Variants in BCKDHB observed in about 807,000 individuals in gnomAD.
BCKDHB encodes branched chain keto acid dehydrogenase E1 subunit beta.
In BCKDHB, 41 loss-of-function variants were observed where a neutral mutation model predicts 48.5. The observed-to-expected ratio is 0.85, with a 90% confidence interval of 0.66 to 1.10. The LOEUF (loss-of-function observed/expected upper bound fraction) is 1.10, where lower values mean the gene tolerates loss of function less well. Ranked by LOEUF, BCKDHB falls within the 50% of genes least tolerant of loss-of-function variation. BCKDHB has a pLI of 0.00. For synonymous variants in BCKDHB, 201 were observed against 174.8 expected, an observed-to-expected ratio of 1.15 and a Z score of -1.18; for missense variants, 496 against 494.2, an observed-to-expected ratio of 1.00 and a Z score of -0.03.
the BCKDHB span, among the ~76,000 whole-genome samples, chr6:80,398,828 T>C: frequency 8.7e-4 from 132 of 152,284 alleles, 1 homozygote; most frequent in African/African-American, 3.1e-3. Flanking sequence ...TTGATAAACA[T>C]TGATGCAAAA....
intron 8 of BCKDHB, among the ~76,000 whole-genome samples, chr6:80,267,026 G>T (rs756645751): frequency 6.6e-6 from 1 of 151,782 alleles, no homozygotes; most frequent in Non-Finnish European, 1.5e-5. Context: ...TCAAAACAAA[G>T]AAACAAAGAT....
At chr6:80,260,212 G>GGTGTGTGTGT (rs148736682) in intron 8 of BCKDHB, among the ~76,000 whole-genome samples, 1 of 151,132 alleles carries the variant, frequency 6.6e-6, no homozygotes, top group Non-Finnish European at 1.5e-5. Context: ...GGTAATGGTG[G>GGTGTGTGTGT]GTGTGTGTGT....
chr6:80,413,308 A>G, the BCKDHB span, among the ~76,000 whole-genome samples: 4 of 152,134 alleles, frequency 2.6e-5, no homozygotes, highest in Admixed American at 2.0e-4. Flanking sequence ...TCTTTTTTTA[A>G]ACTATTAAGT....
chr6:80,192,656 G>T (rs148517800), intron 6 of BCKDHB, among the ~76,000 whole-genome samples: 6 of 152,064 alleles, frequency 3.9e-5, no homozygotes, highest in Non-Finnish European at 1.5e-5. Flanking sequence ...AATGTGTTGT[G>T]TGTTAAATAT....
intron 9 of BCKDHB, among the ~76,000 whole-genome samples, chr6:80,295,883 A>G (rs1043869919): frequency 6.6e-6 from 1 of 152,182 alleles, no homozygotes; most frequent in Admixed American, 6.5e-5. Flanking sequence ...CGTGGGAATT[A>G]TGGAACCTAC....
intron 1 of BCKDHB, among the ~76,000 whole-genome samples, chr6:80,122,481 A>G (rs964692525): frequency 6.6e-6 from 1 of 152,218 alleles, no homozygotes; most frequent in Non-Finnish European, 1.5e-5. Context: ...CATAAGTGTC[A>G]TCTGGCTGAG....
At chr6:80,348,713 A>AG (rs1770311402), downstream of BCKDHB, among the ~76,000 whole-genome samples, 1 of 152,218 alleles carries the variant, frequency 6.6e-6, no homozygotes, top group South Asian at 2.1e-4. Flanking sequence ...AGACTATGTT[A>AG]CTTTTAGCAG....
intron 9 of BCKDHB, among the ~76,000 whole-genome samples, chr6:80,318,686 TAAAAAAA>T (rs756830332): frequency 1.7e-5 from 2 of 117,210 alleles, no homozygotes; most frequent in Non-Finnish European, 3.6e-5. Flanking sequence ...CTCTCTCTCT[TAAAAAAA>T]AAAAAAAAAA....
rs554619869 is a variant in BCKDHB, at chr6:80,264,695, A to G, written c.952-8440A>G. 1.8e-4 allele frequency among the ~76,000 whole-genome samples: 28 copies of G among 152,280 alleles called. No individual in the cohort carries two copies. In the South Asian group the frequency reaches 5.4e-3, roughly 29 times the overall value. ...CAGAATGGAGGATGGTGAGGAAACC[A>G]GAACGTGATGCTTTTTAAGAAAAGA... On this transcript the variant is annotated intron_variant, in intron 8 of 9. Transcript: ENST00000320393.
intron 6 of BCKDHB, among the ~76,000 whole-genome samples, chr6:80,192,015 A>T (rs547430337): frequency 6.6e-6 from 1 of 152,346 alleles, no homozygotes; most frequent in South Asian, 2.1e-4. Flanking sequence ...GAGAAGAATT[A>T]CATTTGGATT....
intron 9 of BCKDHB, among the ~76,000 whole-genome samples, chr6:80,342,731 G>C (rs907167983): frequency 1.3e-5 from 2 of 152,270 alleles, no homozygotes; most frequent in African/African-American, 4.8e-5. Flanking sequence ...CGAGGTTGCA[G>C]TGAGCCGTGT....
chr6:80,391,353 T>A, the BCKDHB span, among the ~76,000 whole-genome samples: 1 of 151,986 alleles, frequency 6.6e-6, no homozygotes, highest in Non-Finnish European at 1.5e-5. Context: ...TCTTGAGAGG[T>A]GAAGCAAATA....
At chr6:80,404,001 G>A in the BCKDHB span, among the ~76,000 whole-genome samples, 202 of 151,972 alleles carry the variant, frequency 1.3e-3, 8 homozygotes, top group South Asian at 0.038. Flanking sequence ...GAGAATTTTT[G>A]CATCTATGCT....
intron 9 of BCKDHB, among the ~76,000 whole-genome samples, chr6:80,336,292 A>G (rs1769587068): frequency 6.6e-6 from 1 of 151,980 alleles, no homozygotes; most frequent in Non-Finnish European, 1.5e-5. Context: ...TATTTCTAAG[A>G]ATTTGTTAAT....
At chr6:80,348,751 A>G (rs1770312828), downstream of BCKDHB, among the ~76,000 whole-genome samples, 1 of 152,220 alleles carries the variant, frequency 6.6e-6, no homozygotes, top group Non-Finnish European at 1.5e-5. Flanking sequence ...GATGAGGAAC[A>G]TGACCCCAAA....
At chr6:80,116,497 A>T (rs1316224302) in intron 1 of BCKDHB, among the ~76,000 whole-genome samples, 1 of 152,256 alleles carries the variant, frequency 6.6e-6, no homozygotes. Flanking sequence ...GCATTTAAGG[A>T]TACCAGTCCT....
At chr6:80,349,656 T>TAA (rs886158388), downstream of BCKDHB, among the ~76,000 whole-genome samples, 1 of 152,204 alleles carries the variant, frequency 6.6e-6, no homozygotes, top group African/African-American at 2.4e-5. Context: ...AAATATGGCA[T>TAA]AATTCATATC....
chr6:80,249,965 T>C (rs970838874), intron 8 of BCKDHB, among the ~76,000 whole-genome samples: 3 of 152,204 alleles, frequency 2.0e-5, no homozygotes, highest in Admixed American at 2.0e-4. Flanking sequence ...TATTCTATTA[T>C]AGAATGTAGA....
the BCKDHB span, among the ~76,000 whole-genome samples, chr6:80,446,705 A>C: frequency 2.1e-5 from 3 of 145,106 alleles, no homozygotes; most frequent in Non-Finnish European, 4.5e-5. Context: ...TAAACCTGAG[A>C]GGGGCTTCTG....
Sources: allele counts gnomAD v4.1 joint callset (sites outside exome capture counted in the v4.1 genomes callset), GRCh38; gene constraint gnomAD v4.1.1; transcripts MANE v1.5; gene names NCBI Gene and HGNC (gene_info 2026-07-23, HGNC 2026-07-21).